ENOX1: variants seen among roughly 807,000 people sequenced by gnomAD.
ENOX1 encodes the protein ecto-NOX disulfide-thiol exchanger 1.
A neutral mutation model predicts 82.5 loss-of-function variants in ENOX1; 42 were observed. That is an observed-to-expected ratio of 0.51 (90% CI 0.40 to 0.66). The LOEUF (loss-of-function observed/expected upper bound fraction) is 0.66. Among genes scored for constraint, ENOX1 ranks in the 30% least tolerant of loss-of-function variants. The pLI is 0.00. For missense variants in ENOX1, 608 were observed against 811.6 expected, an observed-to-expected ratio of 0.75 and a Z score of 3.05; for synonymous variants, 271 against 282.2, an observed-to-expected ratio of 0.96 and a Z score of 0.40.
At chr13:43,586,644 A>G (rs2080999511) in intron 2 of ENOX1, among the ~76,000 whole-genome samples, 1 of 152,214 alleles carries the variant, frequency 6.6e-6, no homozygotes, top group Admixed American at 6.5e-5. Flanking sequence ...CTTTCCTGCC[A>G]CATTAGCTTA....
At chr13:43,595,566 G>A (rs1476092641) in intron 2 of ENOX1, among the ~76,000 whole-genome samples, 2 of 152,134 alleles carry the variant, frequency 1.3e-5, no homozygotes, top group Non-Finnish European at 1.5e-5. Flanking sequence ...CTTTTAACAT[G>A]TATCATGGCC....
At chr13:43,548,312 G>C (rs974580047) in intron 2 of ENOX1, among the ~76,000 whole-genome samples, 3 of 152,144 alleles carry the variant, frequency 2.0e-5, no homozygotes, top group African/African-American at 4.8e-5. Flanking sequence ...AAGTATTCTA[G>C]TTCCACACAA....
At chr13:43,583,722 T>A (rs1593945681) in intron 2 of ENOX1, among the ~76,000 whole-genome samples, 1 of 152,174 alleles carries the variant, frequency 6.6e-6, no homozygotes, top group African/African-American at 2.4e-5. Context: ...TTTAAAAACA[T>A]CAGGTCTTCT....
chr13:43,456,364 T>A (rs1179778550), intron 3 of ENOX1, among the ~76,000 whole-genome samples: 1 of 152,158 alleles, frequency 6.6e-6, no homozygotes, highest in African/African-American at 2.4e-5. Flanking sequence ...ATACATTATA[T>A]ATGAAACAAA....
At chr13:43,712,403 G>A (rs1252576908) in intron 1 of ENOX1, among the ~76,000 whole-genome samples, 3 of 151,974 alleles carry the variant, frequency 2.0e-5, no homozygotes, top group Non-Finnish European at 4.4e-5. Context: ...TTGGCGATGT[G>A]GGCTCTTTTT....
At chr13:43,603,629 T>C (rs1442175223) in intron 2 of ENOX1, among the ~76,000 whole-genome samples, 4 of 144,592 alleles carry the variant, frequency 2.8e-5, no homozygotes, top group Admixed American at 7.0e-5. Context: ...TGAGTGAGAA[T>C]ATGCGGTGTT....
At chr13:43,503,605 A>G (rs968370022) in intron 2 of ENOX1, among the ~76,000 whole-genome samples, 1 of 151,718 alleles carries the variant, frequency 6.6e-6, no homozygotes, top group Non-Finnish European at 1.5e-5. Flanking sequence ...GATCTGCAAC[A>G]AGGGTGCCAA....
intron 5 of ENOX1, among the ~76,000 whole-genome samples, chr13:43,407,202 C>A (rs1594387583): frequency 6.6e-6 from 1 of 152,162 alleles, no homozygotes; most frequent in African/African-American, 2.4e-5. Flanking sequence ...TGAAAAGGGA[C>A]AACGTGTGCC....
chr13:43,755,726 T>A (rs2153833182), intron 1 of ENOX1, among the ~76,000 whole-genome samples: 1 of 152,334 alleles, frequency 6.6e-6, no homozygotes, highest in East Asian at 1.9e-4. Context: ...AAAATAAAAT[T>A]ATAAAATCAT....
At chr13:43,352,949 G>A (rs146470074) in intron 8 of ENOX1, among the ~76,000 whole-genome samples, 158 of 152,258 alleles carry the variant, frequency 1.0e-3, no homozygotes, top group African/African-American at 3.5e-3. Context: ...AGTGGCAAAC[G>A]CAAGGTGATT....
intron 15 of ENOX1, among the ~76,000 whole-genome samples, chr13:43,235,604 C>T (rs1305524565): frequency 6.6e-6 from 1 of 152,018 alleles, no homozygotes; most frequent in Non-Finnish European, 1.5e-5. Flanking sequence ...TGGTGGTGTG[C>T]ACCTGTAATC....
intron 3 of ENOX1, among the ~76,000 whole-genome samples, chr13:43,440,751 C>A (rs2056315416): frequency 6.6e-6 from 1 of 152,080 alleles, no homozygotes; most frequent in Non-Finnish European, 1.5e-5. Flanking sequence ...TAAATTTATA[C>A]ATATGTATAA....
intron 2 of ENOX1, among the ~76,000 whole-genome samples, chr13:43,507,222 T>C (rs1184277015): frequency 6.6e-6 from 1 of 151,874 alleles, no homozygotes; most frequent in Non-Finnish European, 1.5e-5. Flanking sequence ...AAGACCCAAC[T>C]ACTAAGAATG....
Position 43,612,517 on chromosome 13 carries a change from T to TC in ENOX1, c.-219+54961_-219+54962insG, listed in dbSNP as rs1482285518. On this transcript the variant is annotated intron_variant, in intron 2 of 16. Transcript: ENST00000690772. ...CATCAGCTAGAAAGGTCCGATTTTT[T>TC]TTGCAAAAACCTTAGGAACAGGATT... 2.3e-4 allele frequency among the ~76,000 whole-genome samples: 35 copies of TC among 151,956 alleles called. 1 individual carries two copies. Among genetic ancestry groups the TC allele is most frequent in the Admixed American group, 2.2e-3 (34 of 15,242 alleles).
intron 5 of ENOX1, among the ~76,000 whole-genome samples, chr13:43,381,470 A>AT (rs2052035624): frequency 2.0e-5 from 1 of 49,970 alleles, no homozygotes; most frequent in South Asian, 9.2e-4. Flanking sequence ...CTTCTATCTT[A>AT]TAAAAAAAAA....
chr13:43,412,705 A>G (rs1316912993), intron 4 of ENOX1, 140 bp downstream of exon 4: 1 of 877,936 alleles, frequency 1.1e-6, no homozygotes, highest in Non-Finnish European at 1.7e-6. Context: ...GTGCTCTTTC[A>G]TTTTCACTAG....
intron 12 of ENOX1, among the ~76,000 whole-genome samples, chr13:43,269,920 A>G (rs890213625): frequency 2.0e-5 from 3 of 152,350 alleles, no homozygotes; most frequent in African/African-American, 7.2e-5. Context: ...AACTTGTCCA[A>G]CGTTGCTTCA....
At chr13:43,481,597 C>T (rs2058511162) in intron 3 of ENOX1, among the ~76,000 whole-genome samples, 1 of 152,062 alleles carries the variant, frequency 6.6e-6, no homozygotes, top group East Asian at 1.9e-4. Context: ...CATATTTGGT[C>T]TTGGCTGTGA....
At chr13:43,282,100 G>A (rs1191505831) in intron 12 of ENOX1, among the ~76,000 whole-genome samples, 1 of 152,026 alleles carries the variant, frequency 6.6e-6, no homozygotes, top group Non-Finnish European at 1.5e-5. Context: ...GGTTGTTTTA[G>A]TTTAAAATCA....
Sources: gnomAD v4.1 joint callset for allele counts (sites outside exome capture counted in the v4.1 genomes callset) on GRCh38, gnomAD v4.1.1 for gene constraint, MANE v1.5 for transcripts, NCBI Gene and HGNC (gene_info 2026-07-23, HGNC 2026-07-21) for gene names.